Variants in TNNI3K observed in about 807,000 individuals in gnomAD.
TNNI3K encodes TNNI3 interacting kinase, also known as serine/threonine-protein kinase TNNI3K.
A neutral mutation model predicts 114.5 loss-of-function variants in TNNI3K; 140 were observed. That is an observed-to-expected ratio of 1.22 (90% CI 1.07 to 1.41). TNNI3K has a LOEUF of 1.41. Ranked by LOEUF, TNNI3K falls within the 40% of genes most tolerant of loss-of-function variation. The pLI is 0.00. For synonymous variants in TNNI3K, 347 were observed against 347.5 expected (o/e 1.00, Z 0.02); for missense variants, 1,125 against 1,007.6 (o/e 1.12, Z -1.58).
At chr1:74,358,926 G>A (rs1661804725) in intron 11 of TNNI3K, among the ~76,000 whole-genome samples, 1 of 151,912 alleles carries the variant, frequency 6.6e-6, no homozygotes, top group Non-Finnish European at 1.5e-5. Context: ...ATCTTTTACA[G>A]ATGCATATAT....
chr1:74,391,954 A>ATTTTTTTTTTT (rs1557539031), intron 17 of TNNI3K, among the ~76,000 whole-genome samples: 9 of 93,260 alleles, frequency 9.7e-5, no homozygotes, highest in African/African-American at 5.1e-4. Flanking sequence ...GGTACAGCTT[A>ATTTTTTTTTTT]TTATTTTTTT....
chr1:74,475,410 A>C (rs748607593), intron 21 of TNNI3K: 1 of 717,176 alleles, frequency 1.4e-6, no homozygotes. Context: ...CTGCTTCATT[A>C]AAAGCTCTCA....
At chr1:74,505,389 C>G (rs1167314919) in intron 23 of TNNI3K, among the ~76,000 whole-genome samples, 3 of 152,198 alleles carry the variant, frequency 2.0e-5, no homozygotes, top group Non-Finnish European at 4.4e-5. Context: ...AGCTGAATCT[C>G]TTGCTAGCAT....
intron 20 of TNNI3K, among the ~76,000 whole-genome samples, chr1:74,454,467 G>A (rs1667150553): frequency 6.6e-6 from 1 of 152,108 alleles, no homozygotes. Flanking sequence ...GAGAACATGT[G>A]ATATTTGTTT....
At chr1:74,342,459 G>T (rs978648380) in intron 7 of TNNI3K, among the ~76,000 whole-genome samples, 1 of 152,122 alleles carries the variant, frequency 6.6e-6, no homozygotes, top group African/African-American at 2.4e-5. Flanking sequence ...GAATGGTGCT[G>T]TGGCCAGGAT....
At chr1:74,253,914 T>C (rs1024506349) in intron 4 of TNNI3K, among the ~76,000 whole-genome samples, 1 of 152,236 alleles carries the variant, frequency 6.6e-6, no homozygotes, top group African/African-American at 2.4e-5. Context: ...CACCTCTTAG[T>C]TGTTCACACT....
chr1:74,293,557 T>C (rs564346810), intron 5 of TNNI3K, among the ~76,000 whole-genome samples: 68 of 151,868 alleles, frequency 4.5e-4, no homozygotes, highest in African/African-American at 1.5e-3. Context: ...AATAAAAATA[T>C]AATTTTTGTA....
intron 5 of TNNI3K, among the ~76,000 whole-genome samples, chr1:74,302,618 C>T (rs1203351399): frequency 6.6e-6 from 1 of 152,108 alleles, no homozygotes; most frequent in East Asian, 1.9e-4. Context: ...GAAGTTTTAG[C>T]AATATGGATA....
intron 5 of TNNI3K, among the ~76,000 whole-genome samples, chr1:74,272,603 A>G (rs549382958): frequency 2.2e-4 from 33 of 151,952 alleles, no homozygotes; most frequent in Non-Finnish European, 4.0e-4. Context: ...CGGAGGAAGA[A>G]TGATGAAGAC....
At chr1:74,335,677 TA>T (rs1336656292) in intron 6 of TNNI3K, among the ~76,000 whole-genome samples, 2 of 152,126 alleles carry the variant, frequency 1.3e-5, no homozygotes, top group African/African-American at 4.8e-5. Flanking sequence ...TTTCTATATT[TA>T]AAAAATGGTC....
chr1:74,246,286 G>C (rs901593172), intron 2 of TNNI3K, among the ~76,000 whole-genome samples: 1 of 152,204 alleles, frequency 6.6e-6, no homozygotes, highest in Non-Finnish European at 1.5e-5. Context: ...AAGTAAACTA[G>C]GTACTTGGAA....
chr1:74,282,087 T>C (rs1405437283), intron 5 of TNNI3K, among the ~76,000 whole-genome samples: 1 of 152,260 alleles, frequency 6.6e-6, no homozygotes, highest in East Asian at 2.0e-4. Context: ...TGGTTTTCTT[T>C]TTTGTATTAT....
At chr1:74,425,865 A>G (rs1665614165) in intron 17 of TNNI3K, among the ~76,000 whole-genome samples, 1 of 152,072 alleles carries the variant, frequency 6.6e-6, no homozygotes, top group African/African-American at 2.4e-5. Flanking sequence ...TAGAGCTAAA[A>G]TAGCCCTAAA....
At chr1:74,451,683 T>TTTTCTTTTCCTTTCTTTC in intron 20 of TNNI3K, among the ~76,000 whole-genome samples, 1 of 76,284 alleles carries the variant, frequency 1.3e-5, no homozygotes, top group South Asian at 5.3e-4. Flanking sequence ...TTTTCTTTTC[T>TTTTCTTTTCCTTTCTTTC]TTTCTTTCTT....
intron 17 of TNNI3K, among the ~76,000 whole-genome samples, chr1:74,389,375 T>A (rs1183107442): frequency 6.6e-6 from 1 of 152,212 alleles, no homozygotes; most frequent in South Asian, 2.1e-4. Context: ...ATAAAGATGT[T>A]GAAACTGATT....
chr1:74,415,361 A>G (rs976200647), intron 17 of TNNI3K, among the ~76,000 whole-genome samples: 1 of 151,876 alleles, frequency 6.6e-6, no homozygotes, highest in Admixed American at 6.6e-5. Flanking sequence ...TCATTCATTT[A>G]TTTGTTAAAA....
intron 21 of TNNI3K, among the ~76,000 whole-genome samples, chr1:74,478,062 G>T (rs1668292696): frequency 6.6e-6 from 1 of 152,126 alleles, no homozygotes; most frequent in Non-Finnish European, 1.5e-5. Context: ...TTATGACTTA[G>T]ATATAGCTGA....
At chr1:74,314,842 T>C (rs147092557) in intron 5 of TNNI3K, among the ~76,000 whole-genome samples, 112 of 152,288 alleles carry the variant, frequency 7.4e-4, no homozygotes, top group African/African-American at 2.6e-3. Context: ...TCTTAAACTA[T>C]AGTTTACATT....
chr1:74,369,054 T>A lies in TNNI3K; in HGVS notation c.1354T>A (p.Leu452Met). ...KADILLLRAGLPSHFHLQLSE... is the reference protein window; with the variant it reads ...KADILLLRAGMPSHFHLQLSE... ...AGATATTCTCCTCCTAAGAGCTGGATTGCCTTCACATTTCCATCTTCAGCT... is the reference window on the plus strand; with the variant it reads ...AGATATTCTCCTCCTAAGAGCTGGAATGCCTTCACATTTCCATCTTCAGCT... Residue 452 changes from leucine to methionine, a missense_variant, in exon 14 of 25, where the codon TTG becomes ATG. Physicochemically the swap from Leu to Met is conservative, Grantham distance 15. Coordinates refer to ENST00000326637, the MANE Select transcript of TNNI3K (RefSeq NM_015978.3). 1.2e-6 allele frequency: 2 copies of A among 1,609,606 alleles called. No homozygotes were observed. The highest frequency in any genetic ancestry group is 1.7e-6 in the Non-Finnish European group (2 of 1,178,148).
Sources: allele counts gnomAD v4.1 joint callset (sites outside exome capture counted in the v4.1 genomes callset), GRCh38; gene constraint gnomAD v4.1.1; transcripts MANE v1.5; gene names NCBI Gene and HGNC (gene_info 2026-07-23, HGNC 2026-07-21).